Variants in RIF1 observed in about 807,000 individuals in gnomAD.
RIF1 encodes replication timing regulatory factor 1, also known as telomere-associated protein RIF1.
RIF1 carries 45 observed loss-of-function variants against 247.1 expected under a neutral mutation model. The observed-to-expected ratio is 0.18, with a 90% CI of 0.14 to 0.23. The LOEUF is 0.23. Among genes scored for constraint, RIF1 ranks in the 10% least tolerant of loss-of-function variants. The pLI is 1.00. For missense variants in RIF1, 2,967 were observed against 2,862.5 expected (o/e 1.04, Z -0.83); for synonymous variants, 1,087 against 978.8 (o/e 1.11, Z -2.06).
In RIF1 at chr2:151,465,729, C is replaced by A. The variant is rs760904061; in HGVS notation, c.6209C>A (p.Thr2070Lys). Residue 2070 changes from threonine to lysine, a missense_variant, in exon 30 of 36, where the codon ACA becomes AAA. Around this residue, in one of 7 missense-constraint regions of RIF1, gnomAD observed 2,028 missense variants for 1,825.6 expected, o/e 1.11. Transcript: ENST00000444746. The part of the protein sequence containing the change: ...TAEMDNFVCD[T>K]VEMSTEEGII... Reference sequence around the variant, plus strand: ...GAAATGGACAACTTTGTTTGTGACACAGTTGAAATGAGCACTGAAGAAGGA... The same window carrying A: ...GAAATGGACAACTTTGTTTGTGACAAAGTTGAAATGAGCACTGAAGAAGGA... 1 of 1,614,066 alleles carries A rather than the reference C, an allele frequency of 6.2e-7. No homozygotes were observed. Among genetic ancestry groups the A allele is most frequent in the South Asian group, 1.1e-5 (1 of 91,082 alleles).
exon 12 of RIF1, chr2:151,503,143 A>G (rs1482931023): frequency 5.1e-6 from 3 of 593,610 alleles, no homozygotes; most frequent in Non-Finnish European, 8.8e-6. Context: ...TAGTATTTCA[A>G]ATCTAGTCAA....
At position 151,431,775 on chromosome 2, in the gene RIF1, GTC is replaced by G. The variant is rs892861913; in HGVS notation, c.926-1298_926-1297del. Among the ~76,000 whole-genome samples, 18 of 92,838 alleles carry G rather than the reference GTC, an allele frequency of 1.9e-4. No individual in the cohort carries two copies. In the South Asian group the frequency reaches 7.1e-3, roughly 37 times the overall value. 60.9% of individuals were successfully genotyped at this position (92,838 alleles called of 152,430 possible). A position where few individuals can be genotyped will look rare whatever the true frequency, so the allele number is the denominator to read the frequency against. ...CCTGGGCAACAAGAGTGAAACTTCC[GTC>G]TCTGAATGAATGAATGAATGAATGA... On this transcript the variant is annotated intron_variant, in intron 9 of 35. Transcript: ENST00000444746.
chr2:151,420,463 G>T, intron 7 of RIF1, 84 bp downstream of exon 7: 1 of 1,337,348 alleles, frequency 7.5e-7, no homozygotes. Context: ...TGGTGGCCAG[G>T]TACGGTGGCT....
intron 17 of RIF1, 43 bp from the exon 18 acceptor site, chr2:151,443,486 T>C: frequency 6.7e-7 from 1 of 1,488,334 alleles, no homozygotes; most frequent in Non-Finnish European, 9.0e-7. Flanking sequence ...ATTAATATAT[T>C]CCTGCCAAAA....
At chr2:151,490,164 T>TC in intron 9 of RIF1, 1 of 1,216,708 alleles carries the variant, frequency 8.2e-7, no homozygotes, top group Non-Finnish European at 1.2e-6. Flanking sequence ...GATGTCTTTT[T>TC]CCCCCAACTT....
rs373597774 is a variant in RIF1 at position 151,465,025 on chromosome 2, A to C, written c.5505A>C (p.Arg1835Ser). 4.2e-5 allele frequency: 66 copies of C among 1,579,428 alleles called. No homozygotes were observed. The highest frequency in any genetic ancestry group is 5.4e-5 in the Non-Finnish European group (63 of 1,170,696). The change falls in exon 30 of 36, where the codon AGA (arginine) becomes AGC (serine). Residue 1835 changes from arginine to serine, a missense_variant. By Grantham distance (110) the Arg-to-Ser change is moderately radical. Coordinates refer to ENST00000444746, the MANE Select transcript of RIF1 (RefSeq NM_018151.5). Reference sequence around the variant, plus strand: ...TTCCTTCTGGAATAGTAAACTTTAGAGAGGAAATTTGTGATATGGATTCTA... The same window carrying C: ...TTCCTTCTGGAATAGTAAACTTTAGCGAGGAAATTTGTGATATGGATTCTA... Reference protein sequence around the residue: ...ESLPSGIVNFREEICDMDSSE... With the variant: ...ESLPSGIVNFSEEICDMDSSE...
chr2:151,430,910 T>G (rs1690009189), intron 9 of RIF1, among the ~76,000 whole-genome samples: 1 of 152,220 alleles, frequency 6.6e-6, no homozygotes, highest in African/African-American at 2.4e-5. Context: ...TGCCTCAGCC[T>G]TCCAAAGTGT....
intron 8 of RIF1, among the ~76,000 whole-genome samples, chr2:151,427,874 T>G (rs772827117): frequency 6.6e-6 from 1 of 152,040 alleles, no homozygotes; most frequent in Admixed American, 6.6e-5. Flanking sequence ...CTGGCCAACA[T>G]GGTGAAACCC....
At chr2:151,411,627 C>T (rs1573824035) in intron 3 of RIF1, among the ~76,000 whole-genome samples, 1 of 152,086 alleles carries the variant, frequency 6.6e-6, no homozygotes, top group South Asian at 2.1e-4. Context: ...TCTCGAACTC[C>T]CGACCTCAGG....
rs1387612222 is a variant in RIF1 at position 151,443,298 on chromosome 2, A to G, written c.1774A>G (p.Asn592Asp). Residue 592 changes from asparagine to aspartate, a missense_variant, in exon 17 of 36, where the codon AAT becomes GAT. Asn to Asp is a conservative substitution (Grantham distance 23). This residue lies in a region of RIF1 where 369 missense variants were observed against 322.0 expected (regional missense o/e 1.15). Transcript: ENST00000444746. ...ALFLIQLIFNNFLECGVSDER... is the reference protein window; with the variant it reads ...ALFLIQLIFNDFLECGVSDER... ...GTTCTTAATTCAATTAATTTTCAAC[A>G]ATTTCTTGGAATGTGGTGTATCAGA... The G allele has an allele frequency of 1.9e-6, 3 of 1,601,674 alleles. No homozygotes were observed. Among genetic ancestry groups the G allele is most frequent in the Admixed American group, 3.4e-5 (2 of 59,538 alleles).
At chr2:151,425,701 CTG>C (rs2152249657) in intron 8 of RIF1, among the ~76,000 whole-genome samples, 1 of 105,776 alleles carries the variant, frequency 9.5e-6, no homozygotes, top group South Asian at 3.3e-4. Context: ...GAGTCTTACT[CTG>C]TTGCCTAGGC....
chr2:151,489,876 G>T, intron 9 of RIF1: 2 of 853,570 alleles, frequency 2.3e-6, no homozygotes, highest in East Asian at 2.6e-5. Context: ...TAGAAGGTTT[G>T]GTTAAAAAAA....
At chr2:151,491,129 C>G (rs1358474646) in intron 9 of RIF1, 1 of 153,434 alleles carries the variant, frequency 6.5e-6, no homozygotes, top group Non-Finnish European at 1.4e-5. Context: ...TTTCTAGGCT[C>G]AAGCTATCCT....
intron 11 of RIF1, chr2:151,501,279 TAA>T: frequency 1.4e-6 from 1 of 707,312 alleles, no homozygotes; most frequent in Non-Finnish European, 2.4e-6. Context: ...TTGATGTGAT[TAA>T]AAAAAGATTT....
chr2:151,453,068 A>G (rs1694596804), intron 21 of RIF1, among the ~76,000 whole-genome samples: 2 of 152,348 alleles, frequency 1.3e-5, no homozygotes, highest in South Asian at 2.1e-4. Flanking sequence ...GATGATTTCA[A>G]ATTTAGAGAA....
rs996538018 is a variant in RIF1 at position 151,492,150 on chromosome 2, T to C, written c.*416-3079T>C. ...TCCGTTTTTGTTCCATTTCTACCAC[T>C]TTCCTCTGAATACCTCGGTAGTTAA... On this transcript the variant is annotated intron_variant and NMD_transcript_variant, in intron 9 of 13. Transcript: ENST00000454583. The C allele has an allele frequency of 6.2e-7, 1 of 1,613,940 alleles. No individual in the cohort carries two copies. The highest frequency in any genetic ancestry group is 8.5e-7 in the Non-Finnish European group (1 of 1,179,870).
intron 20 of RIF1, among the ~76,000 whole-genome samples, chr2:151,447,649 G>A (rs898788891): frequency 2.6e-5 from 4 of 152,144 alleles, no homozygotes; most frequent in Non-Finnish European, 4.4e-5. Context: ...GGGTTCAAGC[G>A]ATTCTTCTGC....
At chr2:151,430,020 A>G (rs1449509048) in intron 9 of RIF1, among the ~76,000 whole-genome samples, 1 of 151,796 alleles carries the variant, frequency 6.6e-6, no homozygotes, top group Non-Finnish European at 1.5e-5. Flanking sequence ...TTAATGTATA[A>G]TAACTTTTTT....
chr2:151,461,385 G>T, intron 27 of RIF1, 96 bp downstream of exon 27: 15 of 1,097,990 alleles, frequency 1.4e-5, no homozygotes, highest in Non-Finnish European at 1.7e-5. Flanking sequence ...TAAAATATGT[G>T]TACTAATTTT....
Sources: gnomAD v4.1 joint callset for allele counts (sites outside exome capture counted in the v4.1 genomes callset) on GRCh38, gnomAD v4.1.1 for gene constraint, gnomAD v4.1.1 regional missense constraint, MANE v1.5 for transcripts, NCBI Gene and HGNC (gene_info 2026-07-23, HGNC 2026-07-21) for gene names.